TRIP12: variants seen among roughly 807,000 people sequenced by gnomAD.
TRIP12 encodes the protein thyroid hormone receptor interactor 12.
Under a neutral mutation model 244.2 loss-of-function variants are expected in TRIP12, and 25 were observed. That is an observed-to-expected ratio of 0.10 (90% CI 0.07 to 0.14). TRIP12 has a LOEUF of 0.14. Ranked by LOEUF, TRIP12 falls within the 10% of genes least tolerant of loss-of-function variation. TRIP12 has a pLI of 1.00. For synonymous variants in TRIP12, 905 were observed against 873.1 expected, an observed-to-expected ratio of 1.04 and a Z score of -0.64; for missense variants, 1,677 against 2,486.4, an observed-to-expected ratio of 0.67 and a Z score of 6.92.
At chr2:229,836,302 G>A (rs1381581472) in intron 6 of TRIP12, among the ~76,000 whole-genome samples, 1 of 152,168 alleles carries the variant, frequency 6.6e-6, no homozygotes, top group Non-Finnish European at 1.5e-5. Context: ...ATATCCATCA[G>A]CCAGAATTAA....
Position 229,795,290 on chromosome 2 carries a change from C to T in TRIP12, c.3857G>A (p.Gly1286Asp), listed in dbSNP as rs776700291. The T allele has an allele frequency of 9.3e-6, 15 of 1,613,858 alleles. No individual in the cohort carries two copies. Among genetic ancestry groups the T allele is most frequent in the African/African-American group, 1.3e-5 (1 of 74,906 alleles). The change falls in exon 26 of 42, where the codon GGT (glycine) becomes GAT (aspartate). Residue 1286 changes from glycine (G) to aspartate (D), a missense_variant. Physicochemically the swap from Gly to Asp is moderately conservative, Grantham distance 94. Coordinates refer to ENST00000675903, the MANE Select transcript of TRIP12 (RefSeq NM_001348323.3). ...AACTAATGCCAACAAAGGTGCATTACCCACTGGTTCCACTCTTCCAATGGG... is the reference window on the plus strand; with the variant it reads ...AACTAATGCCAACAAAGGTGCATTATCCACTGGTTCCACTCTTCCAATGGG... ...EEPIGRVEPV[G>D]NAPLLALVHK...
At position 229,778,895 on chromosome 2, in the gene TRIP12, T is replaced by C. The variant is rs769245668; in HGVS notation, c.5190A>G (p.Val1730=). ...CATTACCTTTTGGATTGCTAAGAGT[T>C]ACTTCTTCACCTCTCCAAAGACCCA... ...ADLGLWRGEE[V]TLSNPKGSQE... The change falls in exon 35 of 42, where the codon GTA becomes GTG. Residue 1730 remains valine (V), a synonymous_variant. Coordinates refer to ENST00000675903, the MANE Select transcript of TRIP12 (RefSeq NM_001348323.3). This position sits in a 1 kb window ranked among gnomAD's most constrained non-coding sequence, Gnocchi z 4.1. 5 of 1,613,812 alleles carry C rather than the reference T, an allele frequency of 3.1e-6. No homozygotes were observed. Among genetic ancestry groups the C allele is most frequent in the African/African-American group, 1.3e-5 (1 of 74,908 alleles).
At chr2:229,799,133 A>AAAAT in intron 22 of TRIP12, 84 bp from the exon 23 acceptor site, 1 of 1,555,694 alleles carries the variant, frequency 6.4e-7, no homozygotes, top group Non-Finnish European at 8.8e-7. Flanking sequence ...CACAGTCTTA[A>AAAAT]CAGATTAATT....
chr2:229,852,086 T>G (rs1208425456), intron 4 of TRIP12, among the ~76,000 whole-genome samples: 2 of 152,242 alleles, frequency 1.3e-5, no homozygotes, highest in Non-Finnish European at 2.9e-5. Context: ...GGTTCTTGTC[T>G]AGGTCTGATA....
At chr2:229,874,624 C>A (rs1560038944) in intron 2 of TRIP12, among the ~76,000 whole-genome samples, 1 of 151,664 alleles carries the variant, frequency 6.6e-6, no homozygotes, top group Non-Finnish European at 1.5e-5. Context: ...TAACATCATC[C>A]CTATTATTTG....
At chr2:229,773,387 T>C (rs904664065) in intron 38 of TRIP12, among the ~76,000 whole-genome samples, 1 of 151,968 alleles carries the variant, frequency 6.6e-6, no homozygotes, top group African/African-American at 2.4e-5. Context: ...TATATATATA[T>C]GTATGTATTT....
Position 229,800,593 on chromosome 2 carries a change from A to T in TRIP12, c.3207-1210T>A, listed in dbSNP as rs903217516. Among the ~76,000 whole-genome samples the T allele has an allele frequency of 2.6e-5, 4 of 152,132 alleles. No individual in the cohort carries two copies. In the South Asian group the frequency reaches 8.3e-4, roughly 31 times the overall value. On this transcript the variant is annotated intron_variant, in intron 21 of 41. Coordinates refer to ENST00000675903, the MANE Select transcript of TRIP12 (RefSeq NM_001348323.3). Reference sequence around the variant, plus strand: ...AAATGTAATTAAACAATTTTCATTTAAAAAAAATTAACATGAATTTTTCAT... The same window carrying T: ...AAATGTAATTAAACAATTTTCATTTTAAAAAAATTAACATGAATTTTTCAT...
intron 41 of TRIP12, among the ~76,000 whole-genome samples, chr2:229,768,261 T>A (rs1294297607): frequency 6.6e-6 from 1 of 152,114 alleles, no homozygotes; most frequent in Non-Finnish European, 1.5e-5. Context: ...AGATCCTGTC[T>A]CAAAAAACAA....
intron 30 of TRIP12, among the ~76,000 whole-genome samples, chr2:229,790,540 AG>A (rs71396611): frequency 0.34 from 34,376 of 101,566 alleles, 4,544 homozygotes; most frequent in Middle Eastern, 0.53. Context: ...GAGCAGGGGG[AG>A]GGGGGGGTGT....
rs980031343 is a variant in TRIP12, at chr2:229,841,037, T to C, written c.1028-110A>G. On this transcript the variant is annotated intron_variant, in intron 4 of 41. Transcript: ENST00000675903. Reference sequence around the variant, plus strand: ...TTCAAAACTTCACAGAATATTTTTATAACCTCTCCAGCAGTATTACTAGCT... The same window carrying C: ...TTCAAAACTTCACAGAATATTTTTACAACCTCTCCAGCAGTATTACTAGCT... The C allele has an allele frequency of 1.8e-5, 14 of 783,870 alleles. No homozygotes were observed. The African/African-American group carries it at 2.5e-4, about 14-fold the overall frequency. The allele number at this position is 783,870 out of a possible 1,614,324, so 48.6% of individuals were successfully genotyped here.
At chr2:229,770,464 G>A (rs918411264) in intron 39 of TRIP12, among the ~76,000 whole-genome samples, 4 of 152,096 alleles carry the variant, frequency 2.6e-5, no homozygotes, top group East Asian at 1.9e-4. Context: ...AGATTAAGAC[G>A]TTAAGTTAAT....
intron 6 of TRIP12, 60 bp downstream of exon 6, chr2:229,836,788 C>A: frequency 6.5e-7 from 1 of 1,542,434 alleles, no homozygotes; most frequent in Non-Finnish European, 8.7e-7. Context: ...TTCCCTCCCT[C>A]TGCCCATCAA....
chr2:229,895,965 AAC>A (rs766966553), intron 1 of TRIP12, among the ~76,000 whole-genome samples: 2 of 152,120 alleles, frequency 1.3e-5, no homozygotes, highest in East Asian at 3.9e-4. Context: ...CAGCCTGGGC[AAC>A]AGAGTGAGAC....
chr2:229,772,709 G>A (rs575839719), intron 38 of TRIP12, among the ~76,000 whole-genome samples: 16 of 152,134 alleles, frequency 1.1e-4, no homozygotes, highest in South Asian at 8.3e-4. Context: ...TGATCCGCCC[G>A]CCTTGGCCTC....
chr2:229,906,303 C>CAAAAAA (rs34519454), intron 1 of TRIP12, among the ~76,000 whole-genome samples: 15 of 98,842 alleles, frequency 1.5e-4, no homozygotes, highest in East Asian at 5.9e-4. Context: ...GAGACTGTCT[C>CAAAAAA]AAAAAAAAAA....
chr2:229,848,974 A>T (rs939059831), intron 4 of TRIP12, among the ~76,000 whole-genome samples: 3 of 152,246 alleles, frequency 2.0e-5, no homozygotes, highest in Non-Finnish European at 2.9e-5. Context: ...GTCAAGAAGA[A>T]ATATTCCACC....
At chr2:229,835,598 C>T (rs1190165102) in intron 6 of TRIP12, among the ~76,000 whole-genome samples, 1 of 152,150 alleles carries the variant, frequency 6.6e-6, no homozygotes, top group Non-Finnish European at 1.5e-5. Flanking sequence ...AACACTCATA[C>T]CTCAGCAGGT....
intron 1 of TRIP12, among the ~76,000 whole-genome samples, chr2:229,903,816 G>A (rs1184242441): frequency 1.0e-4 from 15 of 146,400 alleles, no homozygotes; most frequent in Non-Finnish European, 1.5e-5. Context: ...AGGAGTTCAA[G>A]ACCAGCCTGG....
intron 18 of TRIP12, among the ~76,000 whole-genome samples, chr2:229,805,505 C>T (rs902693095): frequency 1.3e-5 from 2 of 152,050 alleles, no homozygotes; most frequent in East Asian, 1.9e-4. Flanking sequence ...AATTCTGACT[C>T]GAATCTCAGG....
Sources: allele counts gnomAD v4.1 joint callset (sites outside exome capture counted in the v4.1 genomes callset), GRCh38; gene constraint gnomAD v4.1.1; non-coding constraint Gnocchi (gnomAD v3.1); transcripts MANE v1.5; gene names NCBI Gene and HGNC (gene_info 2026-07-23, HGNC 2026-07-21).